The following RETREG1 variants were observed in gnomAD, a reference collection of about 807,000 sequenced individuals.
The protein encoded by RETREG1 is family with sequence similarity 134 member B.
RETREG1 carries 44 observed loss-of-function variants against 54.8 expected under a neutral mutation model. The ratio of observed to expected loss-of-function variants is 0.80; its 90% CI spans 0.63 to 1.03. RETREG1 has a LOEUF of 1.03. RETREG1 is among the 50% of genes least tolerant of loss of function. The pLI is 0.00. For missense variants in RETREG1, 554 were observed against 605.1 expected (o/e 0.92, Z 0.89); for synonymous variants, 217 against 238.5 (o/e 0.91, Z 0.83).
At chr5:16,600,753 C>T (rs1743030325) in intron 1 of RETREG1, among the ~76,000 whole-genome samples, 1 of 152,200 alleles carries the variant, frequency 6.6e-6, no homozygotes, top group Admixed American at 6.5e-5. Context: ...AAGCCTTCAA[C>T]ACCTAACAGA....
chr5:16,474,288 A>G lies in RETREG1; in HGVS notation c.*453T>C, dbSNP rs915722865. 7.0e-5 allele frequency: 11 copies of G among 156,174 alleles called. No homozygotes were observed. The highest frequency in any genetic ancestry group is 2.7e-4 in the African/African-American group (11 of 41,408). 9.7% of individuals were successfully genotyped at this position (156,174 alleles called of 1,614,324 possible). ...TTTACATCAAAATCTATCCGTTGAA[A>G]AAAAAATTTTCCAGGTATTAGGAAT... is the stretch of plus-strand genomic sequence containing the variant. On this transcript the variant is annotated 3_prime_UTR_variant, in exon 9 of 9. Coordinates refer to ENST00000306320, the MANE Select transcript of RETREG1 (RefSeq NM_001034850.3).
intron 1 of RETREG1, among the ~76,000 whole-genome samples, chr5:16,577,572 GA>G (rs1742362223): frequency 6.6e-6 from 1 of 152,112 alleles, no homozygotes; most frequent in East Asian, 1.9e-4. Flanking sequence ...ATCAGTTCTT[GA>G]GTTCTTCCCT....
At chr5:16,587,693 T>A (rs1039868926) in intron 1 of RETREG1, among the ~76,000 whole-genome samples, 1 of 152,198 alleles carries the variant, frequency 6.6e-6, no homozygotes, top group Non-Finnish European at 1.5e-5. Flanking sequence ...ATTGATGGCA[T>A]TGCCACAGCT....
At chr5:16,505,860 G>A (rs538849861) in intron 3 of RETREG1, among the ~76,000 whole-genome samples, 6 of 152,182 alleles carry the variant, frequency 3.9e-5, no homozygotes, top group Non-Finnish European at 5.9e-5. Flanking sequence ...TCTGGCCCCT[G>A]AGGCTCCCTG....
At chr5:16,514,965 TTA>T (rs916330590) in intron 3 of RETREG1, among the ~76,000 whole-genome samples, 7 of 147,380 alleles carry the variant, frequency 4.7e-5, no homozygotes, top group South Asian at 4.2e-4. Context: ...TGTATATATA[TTA>T]TATATATATA....
chr5:16,572,002 T>C lies in RETREG1; in HGVS notation c.421A>G (p.Thr141Ala), dbSNP rs1188830003. Reference sequence around the variant, plus strand: ...AAAATCTGAGTATTCTTACCTCTTGTTCTAGACAAAACCATATCCTTTATT... The same window carrying C: ...AAAATCTGAGTATTCTTACCTCTTGCTCTAGACAAAACCATATCCTTTATT... Reference protein sequence around the residue: ...QIIKDMVLSRTRGAQLWRSLS... With the variant: ...QIIKDMVLSRARGAQLWRSLS... Residue 141 changes from threonine to alanine, a missense_variant, in exon 2 of 9, where the codon ACA becomes GCA. Thr to Ala is a moderately conservative substitution (Grantham distance 58). This residue lies in a region of RETREG1 where 347 missense variants were observed against 412.3 expected (regional missense o/e 0.84). Coordinates refer to ENST00000306320, the MANE Select transcript of RETREG1 (RefSeq NM_001034850.3). 1.2e-6 allele frequency: 2 copies of C among 1,609,576 alleles called. No homozygotes were observed. The highest frequency in any genetic ancestry group is 1.7e-5 in the Admixed American group (1 of 59,990).
chr5:16,504,105 C>G (rs1739845258), intron 3 of RETREG1, among the ~76,000 whole-genome samples: 1 of 152,110 alleles, frequency 6.6e-6, no homozygotes, highest in Non-Finnish European at 1.5e-5. Flanking sequence ...CTCCGTGTGT[C>G]CACGTGTTCT....
chr5:16,515,601 G>A (rs1189441094), intron 3 of RETREG1, among the ~76,000 whole-genome samples: 1 of 152,194 alleles, frequency 6.6e-6, no homozygotes, highest in African/African-American at 2.4e-5. Flanking sequence ...GACAACTGCA[G>A]TTAAGGATCA....
intron 1 of RETREG1, among the ~76,000 whole-genome samples, chr5:16,615,120 G>A (rs559926487): frequency 6.6e-6 from 1 of 152,156 alleles, no homozygotes; most frequent in African/African-American, 2.4e-5. Context: ...TGTTAAGGCC[G>A]GGCGCAGTAG....
chr5:16,591,555 C>G (rs1561132430), intron 1 of RETREG1, among the ~76,000 whole-genome samples: 1 of 152,180 alleles, frequency 6.6e-6, no homozygotes, highest in Non-Finnish European at 1.5e-5. Flanking sequence ...CCACCCCCTC[C>G]CACGCCATTT....
chr5:16,573,209 A>T (rs985865261), intron 1 of RETREG1, among the ~76,000 whole-genome samples: 1 of 143,810 alleles, frequency 7.0e-6, no homozygotes, highest in African/African-American at 2.5e-5. Context: ...AAAAAAAAAA[A>T]GCAGTTATTG....
At chr5:16,558,346 G>A (rs1038648535) in intron 3 of RETREG1, among the ~76,000 whole-genome samples, 1 of 152,124 alleles carries the variant, frequency 6.6e-6, no homozygotes, top group Non-Finnish European at 1.5e-5. Flanking sequence ...CTTCACCATG[G>A]GATGACATAT....
intron 3 of RETREG1, among the ~76,000 whole-genome samples, chr5:16,550,796 G>A (rs568113751): frequency 6.6e-6 from 1 of 152,236 alleles, no homozygotes; most frequent in Non-Finnish European, 1.5e-5. Context: ...CCATGGAAAG[G>A]AATGTAGTGC....
intron 3 of RETREG1, among the ~76,000 whole-genome samples, chr5:16,548,827 G>A (rs1428154): frequency 0.34 from 51,592 of 152,160 alleles, 10,231 homozygotes; most frequent in Non-Finnish European, 0.44. Flanking sequence ...TGAGGGGAGC[G>A]TGAGCAGGAC....
At chr5:16,525,728 G>A (rs1335110014) in intron 3 of RETREG1, among the ~76,000 whole-genome samples, 6 of 150,936 alleles carry the variant, frequency 4.0e-5, no homozygotes, top group Non-Finnish European at 8.8e-5. Context: ...AGGGTTCTTT[G>A]GGAAAAGATA....
chr5:16,567,463 G>T (rs1213240479), intron 2 of RETREG1, among the ~76,000 whole-genome samples: 1 of 152,228 alleles, frequency 6.6e-6, no homozygotes, highest in Admixed American at 6.5e-5. Flanking sequence ...TGCAGTTCAT[G>T]GGCCACAATC....
chr5:16,587,603 GT>G (rs1478507253), intron 1 of RETREG1, among the ~76,000 whole-genome samples: 2 of 152,194 alleles, frequency 1.3e-5, no homozygotes, highest in Non-Finnish European at 2.9e-5. Flanking sequence ...CATGTCTACA[GT>G]CTGTTCAAGA....
chr5:16,479,801 A>C (rs926199469), intron 5 of RETREG1, among the ~76,000 whole-genome samples: 9 of 152,092 alleles, frequency 5.9e-5, no homozygotes, highest in African/African-American at 2.2e-4. Context: ...ACAAACTCAA[A>C]TGTCTCTAGA....
chr5:16,515,656 A>G (rs947432120), intron 3 of RETREG1, among the ~76,000 whole-genome samples: 11 of 152,148 alleles, frequency 7.2e-5, no homozygotes, highest in African/African-American at 2.7e-4. Context: ...GAATAATGTC[A>G]CCAAGTCAAC....
Sources: allele counts gnomAD v4.1 joint callset (sites outside exome capture counted in the v4.1 genomes callset), GRCh38; gene constraint gnomAD v4.1.1; regional missense constraint gnomAD v4.1.1; transcripts MANE v1.5; gene names NCBI Gene and HGNC (gene_info 2026-07-23, HGNC 2026-07-21).